Variants in LYRM4 observed in about 807,000 individuals in gnomAD.
The protein encoded by LYRM4 is LYR motif-containing protein 4.
Under a neutral mutation model 11.7 loss-of-function variants are expected in LYRM4, and 9 were observed. The observed-to-expected ratio is 0.77, with a 90% CI of 0.46 to 1.34. The LOEUF (loss-of-function observed/expected upper bound fraction) is 1.34, where lower values mean the gene tolerates loss of function less well. Ranked by LOEUF, LYRM4 falls within the 40% of genes most tolerant of loss-of-function variation. LYRM4 has a pLI of 0.00. For missense variants in LYRM4, 133 were observed against 112.5 expected, an observed-to-expected ratio of 1.18 and a Z score of -0.82; for synonymous variants, 42 against 40.4, an observed-to-expected ratio of 1.04 and a Z score of -0.15.
the LYRM4 span, among the ~76,000 whole-genome samples, chr6:5,050,958 A>T: frequency 6.6e-6 from 1 of 152,262 alleles, no homozygotes; most frequent in Non-Finnish European, 1.5e-5. Flanking sequence ...ACGTATGAAC[A>T]AAATGGAAAT....
chr6:5,058,750 T>C, the LYRM4 span, among the ~76,000 whole-genome samples: 1 of 152,206 alleles, frequency 6.6e-6, no homozygotes, highest in Non-Finnish European at 1.5e-5. Context: ...TTTACAGCCC[T>C]GTGTCTCCCC....
At chr6:5,037,585 G>C in the LYRM4 span, among the ~76,000 whole-genome samples, 1 of 83,336 alleles carries the variant, frequency 1.2e-5, no homozygotes, top group Non-Finnish European at 2.8e-5. Context: ...AGTAGGGGCG[G>C]CCGGGCAGAG....
At chr6:5,243,838 AACAAAGTATCT>A (rs1438411068) in intron 1 of LYRM4, among the ~76,000 whole-genome samples, 1 of 152,244 alleles carries the variant, frequency 6.6e-6, no homozygotes, top group Non-Finnish European at 1.5e-5. Context: ...ATCTTAATAA[AACAAAGTATCT>A]ACAATCATAT....
intron 2 of LYRM4, chr6:5,138,868 T>A: frequency 1.6e-6 from 1 of 631,664 alleles, no homozygotes; most frequent in Non-Finnish European, 2.7e-6. Flanking sequence ...GAAATGAGAT[T>A]AATCCTTTAG....
At chr6:5,060,291 T>C in the LYRM4 span, among the ~76,000 whole-genome samples, 1 of 152,270 alleles carries the variant, frequency 6.6e-6, no homozygotes, top group East Asian at 1.9e-4. Flanking sequence ...AATATTGATC[T>C]CTGTGTGTTG....
chr6:5,148,517 G>GAGGGGGCAGAGTCA (rs1757896884), intron 2 of LYRM4, among the ~76,000 whole-genome samples: 1 of 152,244 alleles, frequency 6.6e-6, no homozygotes, highest in African/African-American at 2.4e-5. Context: ...GAGCTGGGCT[G>GAGGGGGCAGAGTCA]GGTATACGCC....
At chr6:5,080,866 G>A in the LYRM4 span, among the ~76,000 whole-genome samples, 1 of 152,090 alleles carries the variant, frequency 6.6e-6, no homozygotes, top group Non-Finnish European at 1.5e-5. Flanking sequence ...CTCCAGACCT[G>A]GTGATCAGAT....
intron 2 of LYRM4, among the ~76,000 whole-genome samples, chr6:5,205,986 C>A (rs1288318592): frequency 6.6e-6 from 1 of 152,184 alleles, no homozygotes; most frequent in Middle Eastern, 3.2e-3. Flanking sequence ...GCTGCTGGAG[C>A]CGACCGTGAA....
intron 2 of LYRM4, 93 bp from the exon 3 acceptor site, chr6:5,109,584 A>G: frequency 7.6e-7 from 1 of 1,324,394 alleles, no homozygotes; most frequent in Non-Finnish European, 1.1e-6. Flanking sequence ...TCTAATACAA[A>G]CGTCGGCCAT....
intron 1 of LYRM4, among the ~76,000 whole-genome samples, chr6:5,256,304 A>G (rs924250780): frequency 1.3e-5 from 2 of 151,744 alleles, no homozygotes; most frequent in East Asian, 3.9e-4. Context: ...AGCCTGGCCA[A>G]TATGGTGAAA....
At chr6:5,054,361 G>A in the LYRM4 span, 1 of 154,234 alleles carries the variant, frequency 6.5e-6, no homozygotes, top group Non-Finnish European at 1.5e-5. Flanking sequence ...CAAGATCCCA[G>A]AGTCAGGAGA....
At chr6:5,053,156 T>A in the LYRM4 span, among the ~76,000 whole-genome samples, 1 of 152,158 alleles carries the variant, frequency 6.6e-6, no homozygotes, top group East Asian at 1.9e-4. Context: ...GGATGGGGGA[T>A]TTTTTTAGAT....
chr6:5,060,495 G>A, the LYRM4 span, among the ~76,000 whole-genome samples: 2 of 108,754 alleles, frequency 1.8e-5, no homozygotes, highest in Non-Finnish European at 3.8e-5. Context: ...CTTGAGTTTC[G>A]ATTTTTGTAT....
intron 2 of LYRM4, among the ~76,000 whole-genome samples, chr6:5,204,690 C>T (rs1761589338): frequency 6.6e-6 from 1 of 152,162 alleles, no homozygotes; most frequent in Non-Finnish European, 1.5e-5. Flanking sequence ...GTTCCCAAAA[C>T]CCTCTTTCAA....
At chr6:5,241,002 C>G (rs1176108313) in intron 1 of LYRM4, among the ~76,000 whole-genome samples, 1 of 152,168 alleles carries the variant, frequency 6.6e-6, no homozygotes, top group Non-Finnish European at 1.5e-5. Flanking sequence ...TTTGGAGAAT[C>G]CGGTGTTAAG....
At chr6:5,154,459 C>T (rs773719738) in intron 2 of LYRM4, among the ~76,000 whole-genome samples, 4 of 152,138 alleles carry the variant, frequency 2.6e-5, no homozygotes, top group African/African-American at 7.2e-5. Context: ...GCAGTATCTA[C>T]GATCACACAG....
At chr6:5,210,044 T>G (rs561240427) in intron 2 of LYRM4, among the ~76,000 whole-genome samples, 1 of 152,206 alleles carries the variant, frequency 6.6e-6, no homozygotes, top group South Asian at 2.1e-4. Flanking sequence ...ATGAAATAAT[T>G]CAATTTTCTG....
At chr6:5,175,783 G>A (rs1267610256) in intron 2 of LYRM4, among the ~76,000 whole-genome samples, 3 of 152,166 alleles carry the variant, frequency 2.0e-5, no homozygotes, top group African/African-American at 7.2e-5. Context: ...CTGTCCTCCA[G>A]AACACTCTCC....
intron 2 of LYRM4, among the ~76,000 whole-genome samples, chr6:5,179,534 G>T (rs1409313196): frequency 6.6e-6 from 1 of 152,036 alleles, no homozygotes; most frequent in African/African-American, 2.4e-5. Context: ...TTGTTCTTTT[G>T]TGCCTGGCTT....
Sources: allele counts gnomAD v4.1 joint callset (sites outside exome capture counted in the v4.1 genomes callset), GRCh38; gene constraint gnomAD v4.1.1; transcripts MANE v1.5; gene names NCBI Gene and HGNC (gene_info 2026-07-23, HGNC 2026-07-21).